Variants in SPATA45 observed in about 807,000 individuals in gnomAD.
SPATA45 encodes spermatogenesis-associated protein 45.
SPATA45 carries 5 observed loss-of-function variants against 7.0 expected under a neutral mutation model. The ratio of observed to expected loss-of-function variants is 0.71; its 90% CI spans 0.37 to 1.50. The LOEUF (loss-of-function observed/expected upper bound fraction) is 1.50. Ranked by LOEUF, SPATA45 falls within the 40% of genes most tolerant of loss-of-function variation. The probability of loss-of-function intolerance (pLI) is 0.03; values close to 1 mark genes in which losing one functional copy is unlikely to be tolerated. For synonymous variants in SPATA45, 40 were observed against 38.7 expected, an observed-to-expected ratio of 1.03 and a Z score of -0.13; for missense variants, 111 against 114.9, an observed-to-expected ratio of 0.97 and a Z score of 0.16.
intron 1 of SPATA45, among the ~76,000 whole-genome samples, chr1:212,841,631 C>CTTTTTTT (rs5780702): frequency 2.4e-5 from 3 of 125,224 alleles, no homozygotes; most frequent in Non-Finnish European, 3.3e-5. Context: ...AGGTATCTTT[C>CTTTTTTT]TTTTTTTTTT....
intron 2 of SPATA45, among the ~76,000 whole-genome samples, chr1:212,834,448 C>T (rs796487936): frequency 3.4e-4 from 51 of 150,724 alleles, no homozygotes; most frequent in African/African-American, 3.4e-4. Context: ...CAACAACCTT[C>T]GTCCACTTTT....
At chr1:212,830,764 C>T (rs1318397236) in intron 2 of SPATA45, among the ~76,000 whole-genome samples, 4 of 150,950 alleles carry the variant, frequency 2.6e-5, no homozygotes, top group Non-Finnish European at 4.4e-5. Context: ...GGGCGGATCA[C>T]GAGGTCAAGA....
At position 212,838,777 on chromosome 1, in the gene SPATA45, C is replaced by T. The variant is rs77783274; in HGVS notation, c.-38-2590G>A. ...AGTGAAGTGGCGTGACCATGGCTCA[C>T]GGCATCCTCGACCTCCCAGGCTCAA... is the stretch of plus-strand genomic sequence containing the variant. On this transcript the variant is annotated intron_variant, in intron 1 of 2. Transcript: ENST00000332912. Among the ~76,000 whole-genome samples the T allele has an allele frequency of 4.3e-3, 649 of 151,714 alleles. 7 individuals carry two copies. Among genetic ancestry groups the T allele is most frequent in the African/African-American group, 0.015 (608 of 41,490 alleles).
chr1:212,832,680 G>A (rs1387036692), intron 2 of SPATA45, among the ~76,000 whole-genome samples: 1 of 151,382 alleles, frequency 6.6e-6, no homozygotes, highest in Non-Finnish European at 1.5e-5. Context: ...CTTCCAATTC[G>A]TATTGAATAT....
chr1:212,840,775 G>A (rs765199799), intron 1 of SPATA45, among the ~76,000 whole-genome samples: 5 of 151,092 alleles, frequency 3.3e-5, no homozygotes, highest in African/African-American at 9.7e-5. Context: ...CCGCCACCAC[G>A]CCCGGCTAAT....
chr1:212,835,310 C>T (rs145672360), intron 2 of SPATA45, among the ~76,000 whole-genome samples: 12,747 of 150,328 alleles, frequency 0.085, 980 homozygotes, highest in African/African-American at 0.18. Context: ...GATTACCTGA[C>T]GTTGGGAGTT....
intron 1 of SPATA45, among the ~76,000 whole-genome samples, chr1:212,837,137 T>A (rs1396176403): frequency 6.6e-6 from 1 of 151,386 alleles, no homozygotes; most frequent in East Asian, 1.9e-4. Context: ...AAATAATACA[T>A]GTTTATTACA....
At chr1:212,840,758 C>T (rs1487681284) in intron 1 of SPATA45, among the ~76,000 whole-genome samples, 1 of 152,096 alleles carries the variant, frequency 6.6e-6, no homozygotes, top group African/African-American at 2.4e-5. Context: ...GGTGGGACTA[C>T]AGGCGTCCGC....
At position 212,838,260 on chromosome 1, in the gene SPATA45, T is replaced by C. The variant is rs114646895; in HGVS notation, c.-38-2073A>G. ...GCGAGGTTGCGGTGAGTCAAGATCATAGCACTACACTCCAGCTTGGGCGGC... is the reference window on the plus strand; with the variant it reads ...GCGAGGTTGCGGTGAGTCAAGATCACAGCACTACACTCCAGCTTGGGCGGC... On this transcript the variant is annotated intron_variant, in intron 1 of 2. Coordinates refer to ENST00000332912, the MANE Select transcript of SPATA45 (RefSeq NM_001024601.3). 2.7e-3 allele frequency among the ~76,000 whole-genome samples: 393 copies of C among 147,634 alleles called. 10 individuals are homozygous for C. The highest frequency in any genetic ancestry group is 0.011 in the Middle Eastern group (3 of 282).
At chr1:212,832,840 A>G (rs1476725735) in intron 2 of SPATA45, among the ~76,000 whole-genome samples, 1 of 151,594 alleles carries the variant, frequency 6.6e-6, no homozygotes, top group East Asian at 1.9e-4. Flanking sequence ...GGTAAGTTCT[A>G]CCACTACTTC....
At chr1:212,831,698 A>G (rs1663490827) in intron 2 of SPATA45, among the ~76,000 whole-genome samples, 1 of 151,336 alleles carries the variant, frequency 6.6e-6, no homozygotes, top group Admixed American at 6.6e-5. Context: ...AAAGAGGATC[A>G]CCCAGAACTC....
chr1:212,833,242 C>T (rs1663521341), intron 2 of SPATA45, among the ~76,000 whole-genome samples: 1 of 151,436 alleles, frequency 6.6e-6, no homozygotes, highest in Non-Finnish European at 1.5e-5. Context: ...CCTTTCTTTC[C>T]CTTGGGGTTC....
At chr1:212,846,867 G>A (rs1351818635) in intron 1 of SPATA45, among the ~76,000 whole-genome samples, 1 of 152,090 alleles carries the variant, frequency 6.6e-6, no homozygotes, top group Non-Finnish European at 1.5e-5. Context: ...ACTGAAAAGG[G>A]CTTTGAAACT....
intron 1 of SPATA45, among the ~76,000 whole-genome samples, chr1:212,841,635 T>C (rs903470811): frequency 9.6e-5 from 11 of 114,766 alleles, no homozygotes; most frequent in East Asian, 1.9e-4. Flanking sequence ...ATCTTTCTTT[T>C]TTTTTTTTTT....
intron 1 of SPATA45, among the ~76,000 whole-genome samples, chr1:212,838,082 C>T (rs115202457): frequency 0.04 from 6,030 of 151,506 alleles, 280 homozygotes; most frequent in Non-Finnish European, 0.049. Context: ...GTATGGGTCA[C>T]CTGAGGTCAG....
chr1:212,840,883 G>T (rs1004823797), intron 1 of SPATA45, among the ~76,000 whole-genome samples: 1 of 152,168 alleles, frequency 6.6e-6, no homozygotes, highest in Admixed American at 6.5e-5. Flanking sequence ...CTCCCAAAGT[G>T]CTGGGATTAC....
chr1:212,841,411 A>G (rs940280367), intron 1 of SPATA45, among the ~76,000 whole-genome samples: 1 of 151,948 alleles, frequency 6.6e-6, no homozygotes, highest in African/African-American at 2.4e-5. Context: ...CGATCTACCC[A>G]CCTCAGCCTT....
chr1:212,832,224 G>T (rs992155085), intron 2 of SPATA45, among the ~76,000 whole-genome samples: 1 of 150,306 alleles, frequency 6.7e-6, no homozygotes, highest in Non-Finnish European at 1.5e-5. Context: ...GGCTGGTCTC[G>T]AACTCCTGAC....
intron 2 of SPATA45, among the ~76,000 whole-genome samples, 177 bp downstream of exon 2, chr1:212,835,696 C>T (rs1330692153): frequency 6.6e-6 from 1 of 150,684 alleles, no homozygotes; most frequent in Non-Finnish European, 1.5e-5. Context: ...ATTAGCCAGG[C>T]GTGGTGGCAG....
Sources: gnomAD v4.1 joint callset for allele counts (sites outside exome capture counted in the v4.1 genomes callset) on GRCh38, gnomAD v4.1.1 for gene constraint, MANE v1.5 for transcripts, NCBI Gene and HGNC (gene_info 2026-07-23, HGNC 2026-07-21) for gene names.